DDHD2: variants seen among roughly 807,000 people sequenced by gnomAD.
DDHD2 encodes triacylglycerol hydrolase DDHD2.
Under a neutral mutation model 91.2 loss-of-function variants are expected in DDHD2, and 62 were observed. The observed-to-expected ratio is 0.68, with a 90% CI of 0.55 to 0.84. DDHD2 has a LOEUF of 0.84. Among genes scored for constraint, DDHD2 ranks in the 40% least tolerant of loss-of-function variants. DDHD2 has a pLI of 0.00. For missense variants in DDHD2, 740 were observed against 846.9 expected (o/e 0.87, Z 1.57); for synonymous variants, 271 against 293.9 (o/e 0.92, Z 0.80).
downstream of DDHD2, chr8:38,266,250 T>C (rs182343676): frequency 1.7e-5 from 28 of 1,613,762 alleles, no homozygotes; most frequent in African/African-American, 1.5e-4. Context: ...GGCCTTGTGG[T>C]GTGAAGCAGT....
intron 10 of DDHD2, among the ~76,000 whole-genome samples, chr8:38,248,525 TACTGGGGAAGAC>T (rs1444099330): frequency 6.6e-6 from 1 of 152,178 alleles, no homozygotes; most frequent in Non-Finnish European, 1.5e-5. Flanking sequence ...GTTTATAGTT[TACTGGGGAAGAC>T]ACATGTTAAA....
downstream of DDHD2, chr8:38,264,949 C>T (rs951861469): frequency 8.7e-6 from 14 of 1,602,932 alleles, no homozygotes; most frequent in Non-Finnish European, 1.2e-5. Flanking sequence ...TTTAAAGGGT[C>T]CTAGAGGAAG....
In DDHD2 at chr8:38,236,286, A is replaced by T. The variant is rs185605841; in HGVS notation, c.412-1252A>T. ...CTCGGCCTCCCAAAGTGCTGGGATT[A>T]CAGGCGTGAGCCACCACGCCCAGCC... On this transcript the variant is annotated intron_variant, in intron 3 of 17. Transcript: ENST00000397166. Among the ~76,000 whole-genome samples the T allele has an allele frequency of 7.4e-3, 1,128 of 151,426 alleles. 9 individuals are homozygous for T. The highest frequency in any genetic ancestry group is 0.012 in the Non-Finnish European group (845 of 67,914).
At chr8:38,246,068 C>A in intron 8 of DDHD2, 118 bp downstream of exon 8, 1 of 1,241,214 alleles carries the variant, frequency 8.1e-7, no homozygotes, top group Non-Finnish European at 1.2e-6. Flanking sequence ...GGTCTGTGGT[C>A]AGGAAATTTG....
chr8:38,246,118 C>CTCCT lies in DDHD2; in HGVS notation c.1058-113_1058-110dup, dbSNP rs1472491648. ...GGTGGCGGTAAATTGGAAAGAAAGA[C>CTCCT]TCCTTGCTGTATAGATTTGCTTACA... On this transcript the variant is annotated intron_variant, in intron 8 of 17. Transcript: ENST00000397166. The CTCCT allele has an allele frequency of 8.0e-5, 88 of 1,093,640 alleles. No individual in the cohort carries two copies. The African/African-American group carries it at 1.4e-3, about 17-fold the overall frequency. The allele number at this position is 1,093,640 out of a possible 1,614,324, so 67.7% of individuals were successfully genotyped here. A position where few individuals can be genotyped will look rare whatever the true frequency, so the allele number is the denominator to read the frequency against.
intron 6 of DDHD2, among the ~76,000 whole-genome samples, chr8:38,241,610 G>T (rs902665445): frequency 6.6e-6 from 1 of 151,246 alleles, no homozygotes; most frequent in East Asian, 2.0e-4. Flanking sequence ...TAGTAGATGG[G>T]GTTTCGCCAT....
At chr8:38,264,151 A>G (rs1328187246), downstream of DDHD2, 2 of 862,634 alleles carry the variant, frequency 2.3e-6, no homozygotes, top group African/African-American at 1.9e-5. Flanking sequence ...GATAGATTCA[A>G]TTTTTTTTTT....
downstream of DDHD2, chr8:38,266,965 C>G: frequency 9.3e-7 from 1 of 1,081,026 alleles, no homozygotes; most frequent in South Asian, 2.1e-5. Flanking sequence ...TTCAAAGTAC[C>G]TGACACATAG....
chr8:38,263,607 A>G, downstream of DDHD2: 1 of 985,448 alleles, frequency 1.0e-6, no homozygotes. Context: ...GGACTCAGAT[A>G]AGATGCACAC....
At chr8:38,266,470 G>A (rs1214161246), downstream of DDHD2, 3 of 657,388 alleles carry the variant, frequency 4.6e-6, no homozygotes, top group South Asian at 4.0e-5. Flanking sequence ...GCACCATCTC[G>A]GCTCACTGCA....
intron 16 of DDHD2, 44 bp from the exon 17 acceptor site, chr8:38,259,996 C>A (rs745762818): frequency 9.6e-6 from 12 of 1,245,576 alleles, no homozygotes; most frequent in Non-Finnish European, 1.3e-5. Flanking sequence ...ACATTTGGCA[C>A]AAGTGTTAGT....
At chr8:38,267,431 T>G, downstream of DDHD2, 1 of 1,600,854 alleles carries the variant, frequency 6.2e-7, no homozygotes, top group Non-Finnish European at 8.5e-7. Context: ...AATCATTAAC[T>G]CCAGAAATTA....
intron 1 of DDHD2, chr8:38,268,475 T>C (rs1585825537): frequency 9.6e-6 from 15 of 1,559,702 alleles, no homozygotes; most frequent in Non-Finnish European, 1.1e-5. Flanking sequence ...AATCAGAATG[T>C]CAGAGGTTAA....
intron 1 of DDHD2, chr8:38,269,156 C>T (rs1585836306): frequency 6.6e-7 from 1 of 1,513,598 alleles, no homozygotes; most frequent in Non-Finnish European, 8.8e-7. Flanking sequence ...GAGCCGCACG[C>T]CCACTTCGGC....
chr8:38,271,409 A>C (rs1332570329), downstream of DDHD2: 2 of 151,214 alleles, frequency 1.3e-5, no homozygotes, highest in Non-Finnish European at 3.0e-5. Flanking sequence ...CCCCCCCCTT[A>C]CCCTTTACCA....
chr8:38,269,097 G>A, intron 1 of DDHD2: 1 of 1,526,454 alleles, frequency 6.6e-7, no homozygotes, highest in East Asian at 2.6e-5. Context: ...AAGCGGGGCC[G>A]CCCGGGCCCG....
At chr8:38,252,405 A>G in intron 13 of DDHD2, 118 bp downstream of exon 13, 1 of 1,130,944 alleles carries the variant, frequency 8.8e-7, no homozygotes, top group South Asian at 1.6e-5. Context: ...CAATGAGACA[A>G]CTTATAATAG....
chr8:38,267,629 C>A, downstream of DDHD2: 1 of 620,208 alleles, frequency 1.6e-6, no homozygotes, highest in Non-Finnish European at 2.8e-6. Flanking sequence ...CAGCAAATGA[C>A]ACTGCAGCTT....
chr8:38,266,440 G>A (rs937764043), downstream of DDHD2: 19 of 931,288 alleles, frequency 2.0e-5, no homozygotes, highest in African/African-American at 3.4e-5. Context: ...TTGCTCTGTC[G>A]CCCAGGCTGG....
Sources: allele counts gnomAD v4.1 joint callset (sites outside exome capture counted in the v4.1 genomes callset), GRCh38; gene constraint gnomAD v4.1.1; transcripts MANE v1.5; gene names NCBI Gene and HGNC (gene_info 2026-07-23, HGNC 2026-07-21).